The following CHAF1A variants were observed in gnomAD, a reference collection of about 807,000 sequenced individuals.
CHAF1A encodes the protein chromatin assembly factor 1 subunit A.
CHAF1A carries 5 observed loss-of-function variants against 93.2 expected under a neutral mutation model. The observed-to-expected ratio is 0.05, with a 90% CI of 0.03 to 0.11. CHAF1A has a LOEUF of 0.11. Ranked by LOEUF, CHAF1A falls within the 10% of genes least tolerant of loss-of-function variation. The pLI is 1.00. For missense variants in CHAF1A, 1,102 were observed against 1,259.9 expected, an observed-to-expected ratio of 0.87 and a Z score of 1.90; for synonymous variants, 504 against 510.3, an observed-to-expected ratio of 0.99 and a Z score of 0.17.
intron 1 of CHAF1A, 125 bp downstream of exon 1, chr19:4,402,939 C>A (rs171474): frequency 0.31 from 147,097 of 468,032 alleles, 24,886 homozygotes; most frequent in East Asian, 0.61. Flanking sequence ...GGGCGTTCAC[C>A]CCCTGGGGCC....
rs200006629 is a variant in CHAF1A at position 4,418,004 on chromosome 19, C to T, written c.961-16C>T. 7.6e-6 allele frequency: 12 copies of T among 1,584,024 alleles called. No homozygotes were observed. Among genetic ancestry groups the T allele is most frequent in the East Asian group, 6.7e-5 (3 of 44,604 alleles). On this transcript the variant is annotated splice_polypyrimidine_tract_variant and intron_variant, in intron 3 of 14. Transcript: ENST00000301280. The stretch of plus-strand genomic sequence containing the variant: ...GAAATAACCCGTGTTTAAAGATAAA[C>T]GTCTTCTGTTTTCAGATAACTAAGA...
downstream of CHAF1A, chr19:4,447,498 C>T (rs1378147021): frequency 6.2e-7 from 1 of 1,603,982 alleles, no homozygotes; most frequent in Non-Finnish European, 8.5e-7. Flanking sequence ...CTCCTGCAGG[C>T]CAGCTGCCCC....
intron 4 of CHAF1A, among the ~76,000 whole-genome samples, chr19:4,419,180 G>T (rs191364359): frequency 6.6e-6 from 1 of 151,698 alleles, no homozygotes; most frequent in Non-Finnish European, 1.5e-5. Context: ...ACACCTGGCC[G>T]CAGGGGACTT....
downstream of CHAF1A, chr19:4,446,154 G>T: frequency 6.2e-7 from 1 of 1,610,628 alleles, no homozygotes; most frequent in Non-Finnish European, 8.5e-7. Context: ...CCTCCCGGAC[G>T]AACCCGTACA....
At chr19:4,404,502 A>T (rs891382030) in intron 1 of CHAF1A, among the ~76,000 whole-genome samples, 1 of 152,204 alleles carries the variant, frequency 6.6e-6, no homozygotes, top group African/African-American at 2.4e-5. Flanking sequence ...GTAAGTGGAC[A>T]CTTGAGAATG....
At chr19:4,447,936 A>G, downstream of CHAF1A, 1 of 495,120 alleles carries the variant, frequency 2.0e-6, no homozygotes, top group East Asian at 3.6e-5. Context: ...CCAGAGCTGA[A>G]GGGCCGCAGT....
chr19:4,418,003 A>C lies in CHAF1A; in HGVS notation c.961-17A>C, dbSNP rs1268965474. ...TGAAATAACCCGTGTTTAAAGATAA[A>C]CGTCTTCTGTTTTCAGATAACTAAG... On this transcript the variant is annotated splice_polypyrimidine_tract_variant and intron_variant, in intron 3 of 14. Transcript: ENST00000301280. 1 of 1,583,874 alleles carries C rather than the reference A, an allele frequency of 6.3e-7. No individual in the cohort carries two copies. The highest frequency in any genetic ancestry group is 1.4e-5 in the African/African-American group (1 of 73,762).
intron 13 of CHAF1A, among the ~76,000 whole-genome samples, chr19:4,440,939 G>T (rs567065718): frequency 4.7e-5 from 7 of 150,138 alleles, no homozygotes; most frequent in African/African-American, 1.5e-4. Context: ...CCAACATGGC[G>T]AAACCCCCGT....
Position 4,442,330 on chromosome 19 carries a change from C to G in CHAF1A, c.2759C>G (p.Pro920Arg), listed in dbSNP as rs201873003. ...GGCGACTGTATGATCGTGGATGTCC[C>G]GGATGCTGCGGGTGAGAAGGGCTGT... ...EEGDCMIVDVPDAAEVQAPCG... is the reference protein window; with the variant it reads ...EEGDCMIVDVRDAAEVQAPCG... The change falls in exon 14 of 15, where the codon CCG becomes CGG. Residue 920 changes from proline (P) to arginine (R), a missense_variant. By Grantham distance (103) the Pro-to-Arg change is moderately radical. Around this residue, in one of 6 missense-constraint regions of CHAF1A, gnomAD observed 119 missense variants for 102.2 expected, o/e 1.16. Coordinates refer to ENST00000301280, the MANE Select transcript of CHAF1A (RefSeq NM_005483.3). 1.9e-6 allele frequency: 3 copies of G among 1,597,506 alleles called. No homozygotes were observed. Among genetic ancestry groups the G allele is most frequent in the Non-Finnish European group, 2.6e-6 (3 of 1,171,124 alleles).
At chr19:4,429,201 A>G in intron 8 of CHAF1A, 2 of 601,740 alleles carry the variant, frequency 3.3e-6, no homozygotes, top group South Asian at 2.1e-5. Flanking sequence ...CTTGCTAAAA[A>G]TGCTCTGGGG....
At chr19:4,436,107 C>T (rs150909794) in intron 13 of CHAF1A, among the ~76,000 whole-genome samples, 69 of 151,772 alleles carry the variant, frequency 4.5e-4, no homozygotes, top group African/African-American at 1.6e-3. Context: ...CCATTGTACT[C>T]GAGCCTGGGC....
intron 13 of CHAF1A, among the ~76,000 whole-genome samples, chr19:4,437,380 C>T (rs1291810360): frequency 1.3e-5 from 2 of 152,152 alleles, no homozygotes; most frequent in African/African-American, 4.8e-5. Flanking sequence ...GACAGGGTCT[C>T]ACTCTGTTAC....
chr19:4,439,297 G>C (rs1468661321), intron 13 of CHAF1A, among the ~76,000 whole-genome samples: 1 of 150,684 alleles, frequency 6.6e-6, no homozygotes, highest in Non-Finnish European at 1.5e-5. Context: ...AAAAAAAAAA[G>C]ACAAAAAGGC....
Position 4,432,126 on chromosome 19 carries a change from G to T in CHAF1A, c.2122G>T (p.Ala708Ser), listed in dbSNP as rs45499793. ...TGACCTGAAGGTACTGCAGCAGTTC[G>T]CAGCCTGCTTCCTGGAGACCCTGCC... The part of the protein sequence containing the change: ...GDDLKVLQQF[A>S]ACFLETLPAQ... Residue 708 changes from alanine to serine, a missense_variant, in exon 12 of 15, where the codon GCA becomes TCA. Ala to Ser is a moderately conservative substitution (Grantham distance 99). Around this residue, in one of 6 missense-constraint regions of CHAF1A, gnomAD observed 335 missense variants for 361.9 expected, o/e 0.93. Coordinates refer to ENST00000301280, the MANE Select transcript of CHAF1A (RefSeq NM_005483.3). 2 of 1,613,632 alleles carry T rather than the reference G, an allele frequency of 1.2e-6. No homozygotes were observed. Among genetic ancestry groups the T allele is most frequent in the Non-Finnish European group, 8.5e-7 (1 of 1,179,914 alleles).
downstream of CHAF1A, chr19:4,447,171 A>G: frequency 1.7e-6 from 1 of 591,634 alleles, no homozygotes; most frequent in Admixed American, 3.0e-5. Flanking sequence ...GAGGAGCCAG[A>G]CACTGCTGGG....
chr19:4,435,122 G>A (rs1320193987), intron 13 of CHAF1A, among the ~76,000 whole-genome samples: 2 of 112,894 alleles, frequency 1.8e-5, no homozygotes, highest in South Asian at 2.9e-4. Flanking sequence ...AGACAGTCTC[G>A]CGCTGTTGCC....
downstream of CHAF1A, chr19:4,446,248 C>A: frequency 1.3e-6 from 2 of 1,570,730 alleles, no homozygotes; most frequent in Admixed American, 1.8e-5. Context: ...CCCTACCAAC[C>A]CGAGCCGCCC....
At chr19:4,423,274 C>T (rs1974022588) in intron 5 of CHAF1A, 61 bp from the exon 6 acceptor site, 3 of 1,610,358 alleles carry the variant, frequency 1.9e-6, no homozygotes, top group Non-Finnish European at 1.7e-6. Flanking sequence ...CAGTTGAGTG[C>T]TGCGGTCCCT....
the CHAF1A span, chr19:4,450,147 C>T: frequency 1.3e-5 from 2 of 151,284 alleles, no homozygotes. Flanking sequence ...ATTGCTTGAA[C>T]CCGGGAAGCA....
Sources: gnomAD v4.1 joint callset for allele counts (sites outside exome capture counted in the v4.1 genomes callset) on GRCh38, gnomAD v4.1.1 for gene constraint, gnomAD v4.1.1 regional missense constraint, MANE v1.5 for transcripts, NCBI Gene and HGNC (gene_info 2026-07-23, HGNC 2026-07-21) for gene names.